The following TENM1 variants were observed in gnomAD, a reference collection of about 807,000 sequenced individuals.
TENM1 encodes the protein teneurin transmembrane protein 1, also known as teneurin-1.
Under a neutral mutation model 174.8 loss-of-function variants are expected in TENM1, and 35 were observed. The observed-to-expected ratio is 0.20, with a 90% CI of 0.15 to 0.27. The LOEUF (loss-of-function observed/expected upper bound fraction) is 0.27, where lower values mean the gene tolerates loss of function less well. Among genes scored for constraint, TENM1 ranks in the 10% least tolerant of loss-of-function variants. The probability of loss-of-function intolerance (pLI) is 1.00; values close to 1 mark genes in which losing one functional copy is unlikely to be tolerated. For synonymous variants in TENM1, 781 were observed against 798.7 expected (o/e 0.98, Z 0.37); for missense variants, 1,633 against 2,130.1 (o/e 0.77, Z 4.59).
intron 14 of TENM1, among the ~76,000 whole-genome samples, 183 bp downstream of exon 17, chrX:124,561,488 A>T (rs779910399): frequency 2.6e-4 from 29 of 111,795 alleles, no homozygotes; most frequent in African/African-American, 8.4e-4. Flanking sequence ...CTGCCTGGTC[A>T]TAGTAATATT....
At chrX:124,818,892 G>C (rs2055968327) in intron 3 of TENM1, among the ~76,000 whole-genome samples, 1 of 111,290 alleles carries the variant, frequency 9.0e-6, no homozygotes, top group Non-Finnish European at 1.9e-5. Flanking sequence ...TGATAAAATT[G>C]GTTCAGGTCA....
At chrX:124,584,178 C>T (rs1386427415) in intron 11 of TENM1, among the ~76,000 whole-genome samples, 1 of 109,762 alleles carries the variant, frequency 9.1e-6, no homozygotes, top group South Asian at 4.0e-4. Flanking sequence ...TCAGGAAATA[C>T]AGAGAATGGC....
the TENM1 span, among the ~76,000 whole-genome samples, chrX:125,083,376 G>A: frequency 9.1e-6 from 1 of 110,154 alleles, no homozygotes; most frequent in Non-Finnish European, 1.9e-5. Context: ...AGCTTCTGGG[G>A]TCTAGATTCT....
At chrX:124,780,658 G>A (rs1261240590) in intron 3 of TENM1, among the ~76,000 whole-genome samples, 3 of 111,653 alleles carry the variant, frequency 2.7e-5, no homozygotes, top group African/African-American at 9.8e-5. Context: ...TAATTAGTTA[G>A]ATGTCTGAAG....
the TENM1 span, among the ~76,000 whole-genome samples, chrX:125,047,804 A>AATGAGAATT: frequency 2.7e-5 from 3 of 111,692 alleles, no homozygotes; most frequent in Non-Finnish European, 1.9e-5. Context: ...TGTTTTTGTT[A>AATGAGAATT]TACTTAATGA....
At chrX:124,670,279 T>C (rs907639194) in intron 6 of TENM1, among the ~76,000 whole-genome samples, 2 of 112,205 alleles carry the variant, frequency 1.8e-5, no homozygotes, top group Non-Finnish European at 3.8e-5. Flanking sequence ...AGATAAATTC[T>C]GATTTTTAGT....
At chrX:124,756,125 C>G (rs1387661483) in intron 3 of TENM1, among the ~76,000 whole-genome samples, 1 of 105,007 alleles carries the variant, frequency 9.5e-6, no homozygotes, top group African/African-American at 3.8e-5. Flanking sequence ...TTCAGGTACA[C>G]CAATCAGACG....
At chrX:124,568,405 G>A (rs1185318120) in intron 11 of TENM1, among the ~76,000 whole-genome samples, 1 of 111,667 alleles carries the variant, frequency 9.0e-6, no homozygotes. Flanking sequence ...AGATGACAAA[G>A]AAGTACTGAC....
intron 11 of TENM1, among the ~76,000 whole-genome samples, chrX:124,595,720 T>C (rs2049874809): frequency 9.3e-6 from 1 of 107,298 alleles, no homozygotes; most frequent in South Asian, 4.4e-4. Flanking sequence ...AGCCTAAATA[T>C]TAAAACAGCT....
At chrX:124,717,570 T>G (rs898448054) in intron 4 of TENM1, among the ~76,000 whole-genome samples, 1 of 111,791 alleles carries the variant, frequency 8.9e-6, no homozygotes, top group African/African-American at 3.3e-5. Context: ...CATCACCTGG[T>G]CCCAGAAAGA....
chrX:124,998,838 T>C, the TENM1 span, among the ~76,000 whole-genome samples: 1 of 111,703 alleles, frequency 9.0e-6, no homozygotes, highest in Admixed American at 9.5e-5. Context: ...TTTAGTCAAT[T>C]AGGAAACCAT....
At chrX:124,542,252 G>C (rs770838222) in intron 15 of TENM1, among the ~76,000 whole-genome samples, 15 of 112,489 alleles carry the variant, frequency 1.3e-4, no homozygotes, top group Admixed American at 3.8e-4. Context: ...CATAGCAGTA[G>C]ATATTCAAAA....
chrX:124,488,411 A>G (rs1345353860), intron 20 of TENM1, among the ~76,000 whole-genome samples: 1 of 112,312 alleles, frequency 8.9e-6, no homozygotes, highest in Non-Finnish European at 1.9e-5. Context: ...TATCTGCTAC[A>G]GCAGATTCAA....
the TENM1 span, among the ~76,000 whole-genome samples, chrX:125,161,228 T>C: frequency 9.0e-6 from 1 of 111,250 alleles, no homozygotes; most frequent in East Asian, 2.8e-4. Context: ...AATGACATAG[T>C]ATTTGCATGT....
intron 3 of TENM1, among the ~76,000 whole-genome samples, chrX:124,887,572 G>A (rs2057410516): frequency 9.0e-6 from 1 of 111,589 alleles, no homozygotes; most frequent in Non-Finnish European, 1.9e-5. Flanking sequence ...ATTACCTACT[G>A]AAAAAGAAAA....
At chrX:124,398,727 G>A (rs1016025693) in intron 27 of TENM1, among the ~76,000 whole-genome samples, 2 of 110,602 alleles carry the variant, frequency 1.8e-5, no homozygotes, top group Non-Finnish European at 3.8e-5. Flanking sequence ...AATTTTAAGC[G>A]TACAATTTAA....
exon 2 of TENM1, chrX:124,896,141 A>T: frequency 8.3e-7 from 1 of 1,211,388 alleles, no homozygotes; most frequent in Non-Finnish European, 1.1e-6. Context: ...CTGTGTCCAC[A>T]TCAGATCCCA....
chrX:125,046,836 ATGTGTGTGTGTGTG>A, the TENM1 span, among the ~76,000 whole-genome samples: 1 of 96,020 alleles, frequency 1.0e-5, no homozygotes. Flanking sequence ...GTGTGTGTGC[ATGTGTGTGTGTGTG>A]TGCATGCGTG....
intron 3 of TENM1, among the ~76,000 whole-genome samples, chrX:124,808,870 A>G (rs1050965889): frequency 8.9e-6 from 1 of 111,884 alleles, no homozygotes; most frequent in African/African-American, 3.2e-5. Flanking sequence ...ATTGATAACT[A>G]CATCAAAAAA....
Sources: gnomAD v4.1 joint callset for allele counts (sites outside exome capture counted in the v4.1 genomes callset) on GRCh38, gnomAD v4.1.1 for gene constraint, MANE v1.5 for transcripts, NCBI Gene and HGNC (gene_info 2026-07-23, HGNC 2026-07-21) for gene names.